Variants in PAXBP1 observed in about 807,000 individuals in gnomAD.
PAXBP1 encodes the protein PAX3 and PAX7 binding protein 1.
In PAXBP1, 44 loss-of-function variants were observed where a neutral mutation model predicts 119.9. That is an observed-to-expected ratio of 0.37 (90% CI 0.29 to 0.47). PAXBP1 has a LOEUF of 0.47. Ranked by LOEUF, PAXBP1 falls within the 20% of genes least tolerant of loss-of-function variation. PAXBP1 has a pLI of 0.99. For missense variants in PAXBP1, 898 were observed against 1,134.1 expected, an observed-to-expected ratio of 0.79 and a Z score of 2.99; for synonymous variants, 393 against 406.6, an observed-to-expected ratio of 0.97 and a Z score of 0.40.
At chr21:32,756,098 T>A in intron 7 of PAXBP1, 2 of 217,642 alleles carry the variant, frequency 9.2e-6, no homozygotes, top group Non-Finnish European at 1.9e-5. Context: ...CAATAATTTT[T>A]CCAGGTTAAT....
At chr21:32,739,938 T>TAAAAAAAA (rs756477858) in intron 15 of PAXBP1, among the ~76,000 whole-genome samples, 1 of 47,006 alleles carries the variant, frequency 2.1e-5, no homozygotes, top group African/African-American at 9.1e-5. Context: ...CTCGTCTCTT[T>TAAAAAAAA]AAAAAAAAAA....
chr21:32,766,233 A>G (rs1345178859), intron 2 of PAXBP1, among the ~76,000 whole-genome samples: 2 of 152,214 alleles, frequency 1.3e-5, no homozygotes, highest in Non-Finnish European at 2.9e-5. Flanking sequence ...TCAGATAATG[A>G]ATGATTCCTA....
intron 15 of PAXBP1, among the ~76,000 whole-genome samples, chr21:32,739,334 A>G (rs986204184): frequency 1.1e-4 from 17 of 152,184 alleles, no homozygotes; most frequent in African/African-American, 3.6e-4. Flanking sequence ...CTAATTACCA[A>G]TGGAATGACC....
intron 17 of PAXBP1, among the ~76,000 whole-genome samples, chr21:32,735,742 C>A (rs1361818735): frequency 1.3e-5 from 2 of 152,214 alleles, no homozygotes; most frequent in African/African-American, 4.8e-5. Flanking sequence ...CCATGCCATG[C>A]TGATACTGCT....
intron 7 of PAXBP1, chr21:32,756,785 TA>T (rs2044050916): frequency 6.2e-6 from 1 of 161,904 alleles, no homozygotes; most frequent in African/African-American, 2.4e-5. Context: ...GCTGGCATCA[TA>T]CAGAATATAA....
chr21:32,754,983 T>C (rs565909589), intron 8 of PAXBP1, among the ~76,000 whole-genome samples: 26 of 152,192 alleles, frequency 1.7e-4, no homozygotes. Context: ...AATGAAAAAA[T>C]ATGCCCAAAG....
rs879649677 is a variant in PAXBP1 at position 32,760,908 on chromosome 21, T to C, written c.975+151A>G. 1,570 of 584,122 alleles carry C rather than the reference T, an allele frequency of 2.7e-3. 1 individual carries two copies. Among genetic ancestry groups the C allele is most frequent in the African/African-American group, 5.8e-3 (307 of 52,912 alleles). 36.2% of individuals were successfully genotyped at this position (584,122 alleles called of 1,614,324 possible). A position where few individuals can be genotyped will look rare whatever the true frequency, so the allele number is the denominator to read the frequency against. On this transcript the variant is annotated intron_variant, in intron 5 of 17. Coordinates refer to ENST00000331923, the MANE Select transcript of PAXBP1 (RefSeq NM_016631.4). ...GTCTCTGTGTGCGTGCGTGCGTGTG[T>C]GTGTGTGTGTGTGTGTGTGTGTGTG...
chr21:32,764,289 A>G (rs1444762782), intron 3 of PAXBP1, 59 bp downstream of exon 3: 1 of 1,512,036 alleles, frequency 6.6e-7, no homozygotes, highest in African/African-American at 1.4e-5. Flanking sequence ...AATCATCTTT[A>G]AAGATGGCCC....
rs185272140 is a variant in PAXBP1, at chr21:32,769,970, T to C, written c.344-28A>G. ...TAAAAAGGAAATTAAATGAAGTCTG[T>C]AGCAACTATTTTCTGAAAATATTTT... is the stretch of plus-strand genomic sequence containing the variant. On this transcript the variant is annotated intron_variant, in intron 1 of 17. Coordinates refer to ENST00000331923, the MANE Select transcript of PAXBP1 (RefSeq NM_016631.4). The C allele has an allele frequency of 1.2e-5, 17 of 1,461,290 alleles. No homozygotes were observed. In the Admixed American group the frequency reaches 2.0e-4, roughly 17 times the overall value. The allele number at this position is 1,461,290 out of a possible 1,614,324, so 90.5% of individuals were successfully genotyped here.
At chr21:32,737,847 G>C (rs544873175) in intron 16 of PAXBP1, among the ~76,000 whole-genome samples, 1 of 152,086 alleles carries the variant, frequency 6.6e-6, no homozygotes, top group Admixed American at 6.6e-5. Context: ...AAGGGAAGTC[G>C]AGTTGGCCCA....
chr21:32,761,523 A>G (rs908465549), intron 4 of PAXBP1, among the ~76,000 whole-genome samples: 1 of 152,272 alleles, frequency 6.6e-6, no homozygotes, highest in African/African-American at 2.4e-5. Context: ...TGTTCAATGA[A>G]CATGAGTTAT....
chr21:32,756,583 A>C (rs1200680460), intron 7 of PAXBP1: 2 of 254,794 alleles, frequency 7.8e-6, no homozygotes, highest in African/African-American at 4.8e-5. Context: ...CAGAGACTCT[A>C]TCATTAAAAT....
Position 32,771,541 on chromosome 21 carries a change from C to A in PAXBP1, c.128G>T (p.Gly43Val). ...AGGGGCCCTGTCGCCGCCACCGGGGCCCGCCTCTTCGCCCGTGCCCGGCGG... is the reference window on the plus strand; with the variant it reads ...AGGGGCCCTGTCGCCGCCACCGGGGACCGCCTCTTCGCCCGTGCCCGGCGG... ...LPPPGTGEEAGPGGGDRAPGG... is the reference protein window; with the variant it reads ...LPPPGTGEEAVPGGGDRAPGG... Residue 43 changes from glycine to valine, a missense_variant, in exon 1 of 18, where the codon GGC (glycine) becomes GTC (valine). Gly to Val is a moderately radical substitution (Grantham distance 109). Transcript: ENST00000331923. 7.2e-7 allele frequency: 1 copy of A among 1,384,618 alleles called. No homozygotes were observed. Among genetic ancestry groups the A allele is most frequent in the Non-Finnish European group, 9.3e-7 (1 of 1,074,348 alleles). The allele number at this position is 1,384,618 out of a possible 1,614,324, so 85.8% of individuals were successfully genotyped here.
intron 2 of PAXBP1, among the ~76,000 whole-genome samples, chr21:32,766,759 C>T (rs1320926901): frequency 6.6e-6 from 1 of 152,244 alleles, no homozygotes; most frequent in Non-Finnish European, 1.5e-5. Flanking sequence ...GATGTTCCTT[C>T]TTCCAAACAT....
At chr21:32,766,519 C>G (rs1951498357) in intron 2 of PAXBP1, among the ~76,000 whole-genome samples, 1 of 152,196 alleles carries the variant, frequency 6.6e-6, no homozygotes, top group Non-Finnish European at 1.5e-5. Flanking sequence ...GGACAGGCTT[C>G]TCTTCATCAA....
chr21:32,771,386 G>A lies in PAXBP1; in HGVS notation c.283C>T (p.Pro95Ser), dbSNP rs201319163. 602 of 1,577,830 alleles carry A rather than the reference G, an allele frequency of 3.8e-4. No homozygotes were observed. The highest frequency in any genetic ancestry group is 4.8e-4 in the Non-Finnish European group (556 of 1,170,240). Reference protein sequence around the residue: ...PGNGLKPRKRPRENKEVPRAS... With the variant: ...PGNGLKPRKRSRENKEVPRAS... ...CGGGGCACCTCTTTGTTCTCGCGAG[G>A]CCTCTTGCGCGGCTTCAGCCCGTTG... The change falls in exon 1 of 18, where the codon CCT becomes TCT. Residue 95 changes from proline to serine, a missense_variant. By Grantham distance (74) the Pro-to-Ser change is moderately conservative. Around this residue, in one of 2 missense-constraint regions of PAXBP1, gnomAD observed 299 missense variants for 281.4 expected, o/e 1.06. Coordinates refer to ENST00000331923, the MANE Select transcript of PAXBP1 (RefSeq NM_016631.4).
chr21:32,742,747 G>A lies in PAXBP1; in HGVS notation c.2334+501C>T, dbSNP rs2043806512. On this transcript the variant is annotated intron_variant, in intron 15 of 17. Transcript: ENST00000331923. Reference sequence around the variant, plus strand: ...GTGGCACAGTACAATAACATATTTTGAGAGAGAAACTACATTCATATAACC... The same window carrying A: ...GTGGCACAGTACAATAACATATTTTAAGAGAGAAACTACATTCATATAACC... 3 of 269,094 alleles carry A rather than the reference G, an allele frequency of 1.1e-5. No homozygotes were observed. The Admixed American group carries it at 1.5e-4, about 13-fold the overall frequency. The allele number at this position is 269,094 out of a possible 1,614,324, so 16.7% of individuals were successfully genotyped here.
intron 7 of PAXBP1, among the ~76,000 whole-genome samples, chr21:32,758,409 T>A (rs548501214): frequency 6.6e-6 from 1 of 151,416 alleles, no homozygotes; most frequent in East Asian, 1.9e-4. Flanking sequence ...AGAAAAAAAA[T>A]CAATTAGGAG....
intron 8 of PAXBP1, chr21:32,751,423 G>A (rs1324090160): frequency 8.4e-6 from 4 of 477,088 alleles, no homozygotes; most frequent in Non-Finnish European, 1.5e-5. Flanking sequence ...AAAAATTAAA[G>A]AAGTGATTTC....
Sources: allele counts gnomAD v4.1 joint callset (sites outside exome capture counted in the v4.1 genomes callset), GRCh38; gene constraint gnomAD v4.1.1; regional missense constraint gnomAD v4.1.1; transcripts MANE v1.5; gene names NCBI Gene and HGNC (gene_info 2026-07-23, HGNC 2026-07-21).